Variants in FER observed in about 807,000 individuals in gnomAD.
FER encodes FER tyrosine kinase.
FER carries 63 observed loss-of-function variants against 111.0 expected under a neutral mutation model. The observed-to-expected ratio is 0.57, with a 90% CI of 0.46 to 0.70. The LOEUF is 0.70. Among genes scored for constraint, FER ranks in the 30% least tolerant of loss-of-function variants. FER has a pLI of 0.00. For missense variants in FER, 914 were observed against 954.0 expected, an observed-to-expected ratio of 0.96 and a Z score of 0.55; for synonymous variants, 327 against 313.9, an observed-to-expected ratio of 1.04 and a Z score of -0.44.
intron 17 of FER, among the ~76,000 whole-genome samples, chr5:109,122,150 A>G (rs1387598838): frequency 2.6e-5 from 4 of 151,924 alleles, no homozygotes; most frequent in Admixed American, 2.0e-4. Flanking sequence ...GTTCTTTCAG[A>G]TACATCATTA....
At chr5:108,969,690 C>T (rs1760378166) in intron 13 of FER, among the ~76,000 whole-genome samples, 1 of 146,936 alleles carries the variant, frequency 6.8e-6, no homozygotes, top group African/African-American at 2.7e-5. Flanking sequence ...TGTCCTCAAG[C>T]AAATATAAAT....
chr5:109,084,507 TAAAAA>T (rs147064446), intron 16 of FER, among the ~76,000 whole-genome samples: 1 of 151,342 alleles, frequency 6.6e-6, no homozygotes, highest in South Asian at 2.1e-4. Flanking sequence ...CAATTAAAAA[TAAAAA>T]AAAATTTAAA....
chr5:109,153,422 A>G (rs770606802), intron 17 of FER, among the ~76,000 whole-genome samples: 23 of 151,986 alleles, frequency 1.5e-4, no homozygotes, highest in Non-Finnish European at 2.4e-4. Context: ...GCCTTATTTT[A>G]CAACAGCAAC....
chr5:109,093,146 C>A (rs1747039848), intron 16 of FER, among the ~76,000 whole-genome samples: 1 of 152,040 alleles, frequency 6.6e-6, no homozygotes, highest in Non-Finnish European at 1.5e-5. Flanking sequence ...GAGTTTCAAT[C>A]AAGTAAAACC....
At chr5:108,992,464 G>A (rs1247219780) in intron 13 of FER, among the ~76,000 whole-genome samples, 1 of 150,932 alleles carries the variant, frequency 6.6e-6, no homozygotes, top group Non-Finnish European at 1.5e-5. Context: ...GGGCAGAGGC[G>A]CCCCTCACCT....
At chr5:109,012,844 TGATG>T (rs1766475921) in intron 13 of FER, among the ~76,000 whole-genome samples, 1 of 152,092 alleles carries the variant, frequency 6.6e-6, no homozygotes, top group Non-Finnish European at 1.5e-5. Context: ...TATGACAATA[TGATG>T]AATAATGAAA....
rs527682889 is a variant in FER, at chr5:109,075,554, G to C, written c.1925-24842G>C. On this transcript the variant is annotated intron_variant, in intron 16 of 19. Coordinates refer to ENST00000281092, the MANE Select transcript of FER (RefSeq NM_005246.4). ...TTCTCCTGCCTCAGCCTCCTGAGTA[G>C]CTGGGACTACAGGTGCCTGCCACCA... Among the ~76,000 whole-genome samples, 4 of 151,690 alleles carry C rather than the reference G, an allele frequency of 2.6e-5. No individual in the cohort carries two copies. The East Asian group carries it at 5.8e-4, about 22-fold the overall frequency.
chr5:109,092,363 A>G lies in FER; in HGVS notation c.1925-8033A>G, dbSNP rs144972214. The stretch of plus-strand genomic sequence containing the variant: ...AATGAGAGAAAAGTTTACAAACCAC[A>G]TATCTGATAAAGGTTTAATATCCAG... On this transcript the variant is annotated intron_variant, in intron 16 of 19. Coordinates refer to ENST00000281092, the MANE Select transcript of FER (RefSeq NM_005246.4). Among the ~76,000 whole-genome samples the G allele has an allele frequency of 5.1e-3, 777 of 151,618 alleles. 4 individuals carry two copies. The highest frequency in any genetic ancestry group is 0.014 in the Middle Eastern group (4 of 292).
At chr5:108,844,990 GTGTGTGTATATATATATA>G (rs1229077709) in intron 5 of FER, among the ~76,000 whole-genome samples, 57 of 41,796 alleles carry the variant, frequency 1.4e-3, no homozygotes, top group Admixed American at 2.1e-3. Context: ...GCTGGTGTGT[GTGTGTGTATATATATATA>G]TATATATATA....
intron 5 of FER, among the ~76,000 whole-genome samples, chr5:108,862,650 C>A (rs1462834897): frequency 6.6e-6 from 1 of 152,272 alleles, no homozygotes; most frequent in African/African-American, 2.4e-5. Flanking sequence ...ACACAGTACT[C>A]AAATACACTT....
intron 17 of FER, among the ~76,000 whole-genome samples, chr5:109,176,792 C>G (rs191611697): frequency 6.6e-6 from 1 of 152,002 alleles, no homozygotes; most frequent in East Asian, 1.9e-4. Context: ...GTAATGGAAC[C>G]GTATACTCGC....
intron 10 of FER, among the ~76,000 whole-genome samples, chr5:108,904,600 G>A (rs946255412): frequency 3.3e-5 from 5 of 152,132 alleles, no homozygotes; most frequent in Non-Finnish European, 7.4e-5. Context: ...ATCATTGAGC[G>A]TTCTGAGTGA....
At chr5:109,025,543 A>G (rs1452282987) in intron 13 of FER, among the ~76,000 whole-genome samples, 2 of 151,700 alleles carry the variant, frequency 1.3e-5, no homozygotes, top group Non-Finnish European at 2.9e-5. Flanking sequence ...GGTTTTCTAG[A>G]TATACAATCA....
At chr5:109,028,710 G>A (rs545393876) in intron 13 of FER, among the ~76,000 whole-genome samples, 8 of 152,152 alleles carry the variant, frequency 5.3e-5, no homozygotes, top group Non-Finnish European at 1.2e-4. Context: ...ATTTATTGTC[G>A]CAAAAGACTG....
At chr5:108,868,012 C>T (rs1350743657) in intron 6 of FER, 62 bp downstream of exon 6, 2 of 1,498,878 alleles carry the variant, frequency 1.3e-6, no homozygotes, top group East Asian at 2.4e-5. Flanking sequence ...CATATTTTCT[C>T]TCTAGTTTAG....
At chr5:109,015,366 TG>T (rs1205681362) in intron 13 of FER, among the ~76,000 whole-genome samples, 3 of 152,104 alleles carry the variant, frequency 2.0e-5, no homozygotes, top group African/African-American at 2.4e-5. Flanking sequence ...AAATTAAAAA[TG>T]GTTAAGATGT....
chr5:108,944,108 T>TACACACACACACAC (rs34138754), intron 10 of FER, among the ~76,000 whole-genome samples: 5 of 145,736 alleles, frequency 3.4e-5, no homozygotes, highest in African/African-American at 5.1e-5. Flanking sequence ...TGTGTATGTG[T>TACACACACACACAC]ACACACACAC....
chr5:108,909,343 T>G (rs1751231242), intron 10 of FER, among the ~76,000 whole-genome samples: 1 of 152,212 alleles, frequency 6.6e-6, no homozygotes, highest in South Asian at 2.1e-4. Flanking sequence ...CACTGTTAAT[T>G]TTTTAAATCA....
chr5:108,985,800 G>GTA (rs1762505751), intron 13 of FER, among the ~76,000 whole-genome samples: 1 of 152,090 alleles, frequency 6.6e-6, no homozygotes, highest in Non-Finnish European at 1.5e-5. Flanking sequence ...GTGTTATATG[G>GTA]TATATATACA....
Sources: gnomAD v4.1 joint callset for allele counts (sites outside exome capture counted in the v4.1 genomes callset) on GRCh38, gnomAD v4.1.1 for gene constraint, MANE v1.5 for transcripts, NCBI Gene and HGNC (gene_info 2026-07-23, HGNC 2026-07-21) for gene names.